Variants in FARP1 observed in about 807,000 individuals in gnomAD.
The protein encoded by FARP1 is FERM, ARHGEF and pleckstrin domain-containing protein 1.
A neutral mutation model predicts 128.8 loss-of-function variants in FARP1; 52 were observed. That is an observed-to-expected ratio of 0.40 (90% confidence interval 0.32 to 0.51). The LOEUF (loss-of-function observed/expected upper bound fraction) is 0.51, where lower values mean the gene tolerates loss of function less well. Ranked by LOEUF, FARP1 falls within the 20% of genes least tolerant of loss-of-function variation. The pLI is 0.45. For missense variants in FARP1, 1,333 were observed against 1,367.9 expected (o/e 0.97, Z 0.40); for synonymous variants, 580 against 551.8 (o/e 1.05, Z -0.72).
At chr13:98,208,131 GA>G (rs999722124) in intron 1 of FARP1, among the ~76,000 whole-genome samples, 2 of 152,014 alleles carry the variant, frequency 1.3e-5, no homozygotes, top group African/African-American at 4.8e-5. Flanking sequence ...CAGATGCTTA[GA>G]AAAAGCTTAT....
At chr13:98,306,974 C>T (rs562535310) in intron 2 of FARP1, among the ~76,000 whole-genome samples, 1 of 151,606 alleles carries the variant, frequency 6.6e-6, no homozygotes, top group Non-Finnish European at 1.5e-5. Context: ...TCCCAGAAAC[C>T]TATTATTGTC....
chr13:98,404,029 CACT>C (rs1890883699), intron 13 of FARP1: 1 of 155,712 alleles, frequency 6.4e-6, no homozygotes, highest in Non-Finnish European at 1.4e-5. Context: ...TCACCACCAC[CACT>C]GCTACTACCA....
chr13:98,179,660 C>T (rs1331381046), intron 1 of FARP1, among the ~76,000 whole-genome samples: 3 of 151,818 alleles, frequency 2.0e-5, no homozygotes, highest in Admixed American at 1.3e-4. Flanking sequence ...GTCAGGAGAT[C>T]GAGACCATCC....
At chr13:98,357,927 G>A (rs1594440893) in intron 3 of FARP1, among the ~76,000 whole-genome samples, 1 of 152,280 alleles carries the variant, frequency 6.6e-6, no homozygotes, top group East Asian at 1.9e-4. Context: ...AGTCTGGGGT[G>A]AATTATTCCC....
chr13:98,177,271 C>T (rs1878152311), intron 1 of FARP1: 2 of 1,498,938 alleles, frequency 1.3e-6, no homozygotes, highest in East Asian at 2.3e-5. Context: ...CCGTGGCGTG[C>T]GTCACCCTTG....
chr13:98,145,845 G>C (rs146740493), intron 1 of FARP1, among the ~76,000 whole-genome samples: 1,513 of 132,072 alleles, frequency 0.011, 33 homozygotes, highest in African/African-American at 0.041. Flanking sequence ...CTGGGCAACA[G>C]AGTGAGACTC....
At chr13:98,210,142 T>C (rs1335375170) in intron 1 of FARP1, among the ~76,000 whole-genome samples, 1 of 151,286 alleles carries the variant, frequency 6.6e-6, no homozygotes, top group Non-Finnish European at 1.5e-5. Context: ...AAATGAAGGG[T>C]GACTTTTTCT....
At chr13:98,312,932 G>A (rs924068467) in intron 2 of FARP1, among the ~76,000 whole-genome samples, 2 of 152,094 alleles carry the variant, frequency 1.3e-5, no homozygotes, top group African/African-American at 2.4e-5. Flanking sequence ...GTGGGCCAGG[G>A]TTTTCTTTCA....
intron 2 of FARP1, among the ~76,000 whole-genome samples, chr13:98,255,997 C>A (rs1206261682): frequency 6.6e-6 from 1 of 152,208 alleles, no homozygotes; most frequent in Non-Finnish European, 1.5e-5. Context: ...AAGCAACAAC[C>A]CTTCTGGTGG....
intron 25 of FARP1, 166 bp downstream of exon 25, chr13:98,446,371 AG>A: frequency 1.6e-6 from 1 of 606,894 alleles, no homozygotes; most frequent in Non-Finnish European, 2.9e-6. Context: ...CCTCAACTCT[AG>A]GGAAGACTGA....
In FARP1 at chr13:98,389,959, T is replaced by G; in HGVS notation, c.858T>G (p.Ser286Arg). 3 of 1,614,060 alleles carry G rather than the reference T, an allele frequency of 1.9e-6. No homozygotes were observed. Among genetic ancestry groups the G allele is most frequent in the Non-Finnish European group, 1.7e-6 (2 of 1,179,994 alleles). The stretch of plus-strand genomic sequence containing the variant: ...ACCGTTGTATTTTCCCTTTTTAGAG[T>G]GCGTACCAGGATACCTTGGAATTCC... ...FLIKLRPDAN[S>R]AYQDTLEFLM... The change falls in exon 10 of 27, where the codon AGT becomes AGG. Residue 286 changes from serine (S) to arginine (R), a missense_variant and splice_region_variant. Physicochemically the swap from Ser to Arg is moderately radical, Grantham distance 110. Coordinates refer to ENST00000319562, the MANE Select transcript of FARP1 (RefSeq NM_005766.4).
chr13:98,297,815 G>A (rs996807214), intron 2 of FARP1, among the ~76,000 whole-genome samples: 1 of 152,178 alleles, frequency 6.6e-6, no homozygotes, highest in African/African-American at 2.4e-5. Context: ...CTTCAGTGCT[G>A]TTTTATGTTA....
At chr13:98,375,567 A>G (rs193081404) in intron 5 of FARP1, among the ~76,000 whole-genome samples, 86 of 152,230 alleles carry the variant, frequency 5.6e-4, no homozygotes, top group African/African-American at 2.0e-3. Flanking sequence ...GGAATCTACC[A>G]TGTCTCCAAG....
chr13:98,287,587 T>G (rs1202703637), intron 2 of FARP1, among the ~76,000 whole-genome samples: 14 of 152,136 alleles, frequency 9.2e-5, no homozygotes, highest in Non-Finnish European at 1.9e-4. Flanking sequence ...AACCAGATTC[T>G]ACTTGACTGA....
intron 2 of FARP1, among the ~76,000 whole-genome samples, chr13:98,229,357 A>G (rs1050277937): frequency 1.1e-4 from 16 of 152,250 alleles, no homozygotes; most frequent in African/African-American, 3.1e-4. Context: ...ATAAAAGGGT[A>G]GCATTTGGGT....
At chr13:98,231,561 C>T (rs2139405693) in intron 2 of FARP1, among the ~76,000 whole-genome samples, 1 of 152,236 alleles carries the variant, frequency 6.6e-6, no homozygotes, top group Middle Eastern at 3.4e-3. Flanking sequence ...CCTCAGCTTC[C>T]CAAGTAGCTG....
At chr13:98,388,681 CAGAG>C (rs750818601) in intron 9 of FARP1, among the ~76,000 whole-genome samples, 138 of 152,320 alleles carry the variant, frequency 9.1e-4, no homozygotes, top group Admixed American at 2.0e-3. Context: ...CGTTGGTAAA[CAGAG>C]AGCGTAAAGG....
intron 2 of FARP1, among the ~76,000 whole-genome samples, chr13:98,306,768 C>T (rs1395081812): frequency 1.3e-5 from 2 of 152,160 alleles, no homozygotes; most frequent in Non-Finnish European, 2.9e-5. Context: ...AAGCAATCCT[C>T]CTATGTTGGC....
rs572630156 is a variant in FARP1, at chr13:98,327,548, G to C, written c.172-16214G>C. Among the ~76,000 whole-genome samples the C allele has an allele frequency of 1.4e-4, 21 of 152,280 alleles. 1 individual carries two copies. The South Asian group carries it at 2.1e-3, about 15-fold the overall frequency. ...CTAAATCTCAGGCTTCCTTCTCTTG[G>C]CCAGATTTTAAAACAATCACATTGA... On this transcript the variant is annotated intron_variant, in intron 2 of 26. Coordinates refer to ENST00000319562, the MANE Select transcript of FARP1 (RefSeq NM_005766.4).
Sources: gnomAD v4.1 joint callset for allele counts (sites outside exome capture counted in the v4.1 genomes callset) on GRCh38, gnomAD v4.1.1 for gene constraint, MANE v1.5 for transcripts, NCBI Gene and HGNC (gene_info 2026-07-23, HGNC 2026-07-21) for gene names.